NSA2: variants seen among roughly 807,000 people sequenced by gnomAD.
The protein encoded by NSA2 is NSA2 ribosome biogenesis factor.
NSA2 carries 18 observed loss-of-function variants against 34.8 expected under a neutral mutation model. The observed-to-expected ratio is 0.52, with a 90% CI of 0.36 to 0.77. NSA2 has a LOEUF of 0.77. Ranked by LOEUF, NSA2 falls within the 30% of genes least tolerant of loss-of-function variation. The probability of loss-of-function intolerance (pLI) is 0.00; values close to 1 mark genes in which losing one functional copy is unlikely to be tolerated. For synonymous variants in NSA2, 79 were observed against 100.2 expected (o/e 0.79, Z 1.26); for missense variants, 188 against 314.7 (o/e 0.60, Z 3.05).
chr5:74,770,961 T>C lies in NSA2; in HGVS notation c.522+151T>C, dbSNP rs528919478. On this transcript the variant is annotated intron_variant, in intron 4 of 5. Coordinates refer to ENST00000610426, the MANE Select transcript of NSA2 (RefSeq NM_014886.6). Reference sequence around the variant, plus strand: ...ATTTTTGTTATTTTATTGACAGAAGTTATTTAGTACTTTTTCCACTAGTCA... The same window carrying C: ...ATTTTTGTTATTTTATTGACAGAAGCTATTTAGTACTTTTTCCACTAGTCA... The C allele has an allele frequency of 4.1e-5, 29 of 709,248 alleles. No homozygotes were observed. The South Asian group carries it at 6.6e-4, about 16-fold the overall frequency. The allele number at this position is 709,248 out of a possible 1,614,324, so 43.9% of individuals were successfully genotyped here.
At position 74,769,133 on chromosome 5, in the gene NSA2, T is replaced by G. The variant is rs764498961; in HGVS notation, c.191+15T>G. ...ATGAAAAAGACGTAAGTGGTCTCAT[T>G]TATTTGTCATAACAAGTTAACATCT... On this transcript the variant is annotated intron_variant, in intron 2 of 5. Transcript: ENST00000610426. 1.9e-6 allele frequency: 3 copies of G among 1,598,776 alleles called. No homozygotes were observed. The highest frequency in any genetic ancestry group is 2.6e-6 in the Non-Finnish European group (3 of 1,175,158).
intron 5 of NSA2, among the ~76,000 whole-genome samples, chr5:74,774,956 C>T (rs866901535): frequency 1.7e-4 from 26 of 152,064 alleles, no homozygotes; most frequent in Admixed American, 3.3e-4. Context: ...GTGGCTCAGC[C>T]TGTAATCCCA....
rs772030907 is a variant in NSA2, at chr5:74,769,056, T to C, written c.129T>C (p.Ile43=). The C allele has an allele frequency of 1.9e-6, 3 of 1,612,278 alleles. No homozygotes were observed. The highest frequency in any genetic ancestry group is 2.2e-5 in the East Asian group (1 of 44,862). ...HERSKKAKKM[I]GLKAKLYHKQ... is the part of the protein sequence containing the mutation. ...GTTCAAAGAAGGCAAAGAAAATGAT[T>C]GGTCTGAAGGCTAAGCTTTACCATA... The change falls in exon 2 of 6, where the codon ATT becomes ATC. Residue 43 remains isoleucine, a synonymous_variant. Coordinates refer to ENST00000610426, the MANE Select transcript of NSA2 (RefSeq NM_014886.6).
chr5:74,775,372 T>G (rs1467555653), intron 5 of NSA2, among the ~76,000 whole-genome samples: 1 of 151,992 alleles, frequency 6.6e-6, no homozygotes, highest in Admixed American at 6.6e-5. Context: ...TCCCAGCACT[T>G]GGGGAGGCCG....
rs1745027741 is a variant in NSA2, at chr5:74,773,930, A to G, written c.585A>G (p.Pro195=). The G allele has an allele frequency of 6.2e-7, 1 of 1,613,954 alleles. No individual in the cohort carries two copies. Among genetic ancestry groups the G allele is most frequent in the East Asian group, 2.2e-5 (1 of 44,882 alleles). ...HPELKATFCL[P]ILGVKKNPSS... is the part of the protein sequence containing the mutation. Reference sequence around the variant, plus strand: ...AACTGAAAGCCACCTTTTGCCTACCAATACTTGGTGTAAAGAAGAATCCCT... The same window carrying G: ...AACTGAAAGCCACCTTTTGCCTACCGATACTTGGTGTAAAGAAGAATCCCT... The change falls in exon 5 of 6, where the codon CCA becomes CCG. Residue 195 remains proline (P), a synonymous_variant. Transcript: ENST00000610426.
intron 5 of NSA2, among the ~76,000 whole-genome samples, chr5:74,776,020 G>A (rs1358096100): frequency 6.6e-6 from 1 of 152,158 alleles, no homozygotes; most frequent in Non-Finnish European, 1.5e-5. Context: ...ACAATGCTCA[G>A]GTCAATCCAC....
At chr5:74,767,423 A>C in intron 1 of NSA2, 60 bp downstream of exon 1, 3 of 1,601,910 alleles carry the variant, frequency 1.9e-6, no homozygotes, top group Non-Finnish European at 2.6e-6. Context: ...GGACCTGAGG[A>C]CTCTGGGGCG....
At chr5:74,770,978 C>T (rs1213369602) in intron 4 of NSA2, among the ~76,000 whole-genome samples, 168 bp downstream of exon 4, 4 of 151,856 alleles carry the variant, frequency 2.6e-5, no homozygotes, top group African/African-American at 9.7e-5. Flanking sequence ...GTACTTTTTC[C>T]ACTAGTCAAA....
intron 4 of NSA2, 106 bp downstream of exon 4, chr5:74,770,916 T>C: frequency 1.2e-6 from 1 of 868,762 alleles, no homozygotes; most frequent in South Asian, 2.7e-5. Flanking sequence ...GTGGAACAGG[T>C]TGAAAGATAT....
rs1366231780 is a variant in NSA2, at chr5:74,767,330, G to A, written c.-31G>A. ...ATTGAGAGCGTTTTCGCACTCCAGC[G>A]GCTGCTCCTGGCGGCTCTGCGGCCG... On this transcript the variant is annotated 5_prime_UTR_variant, in exon 1 of 6. Transcript: ENST00000610426. 6.2e-7 allele frequency: 1 copy of A among 1,613,164 alleles called. No individual in the cohort carries two copies. The highest frequency in any genetic ancestry group is 8.5e-7 in the Non-Finnish European group (1 of 1,179,550).
chr5:74,775,639 C>CT (rs1745086461), intron 5 of NSA2, among the ~76,000 whole-genome samples: 1 of 151,392 alleles, frequency 6.6e-6, no homozygotes, highest in African/African-American at 2.4e-5. Context: ...ATATTTTGAT[C>CT]TTTTTTAATA....
chr5:74,768,886 T>C, intron 1 of NSA2, 45 bp from the exon 2 acceptor site: 1 of 1,340,420 alleles, frequency 7.5e-7, no homozygotes, highest in South Asian at 1.5e-5. Context: ...AGAATAATTG[T>C]CAGTACTTTA....
Position 74,770,762 on chromosome 5 carries a change from T to C in NSA2, c.474T>C (p.Asp158=). The change falls in exon 4 of 6, where the codon GAT becomes GAC. Residue 158 remains aspartate (D), a synonymous_variant. Transcript: ENST00000610426. The stretch of plus-strand genomic sequence containing the variant: ...TTACTAAAGTGTGCTTTGTTGGAGA[T>C]GGCTTTACAAGAAAACCACCTAAAT... The part of the protein sequence containing the change: ...RMVTKVCFVG[D]GFTRKPPKYE... 3 of 1,612,272 alleles carry C rather than the reference T, an allele frequency of 1.9e-6. No homozygotes were observed. Among genetic ancestry groups the C allele is most frequent in the Non-Finnish European group, 2.5e-6 (3 of 1,179,380 alleles).
chr5:74,767,429 G>A, intron 1 of NSA2, 66 bp downstream of exon 1: 2 of 1,594,664 alleles, frequency 1.3e-6, no homozygotes, highest in Admixed American at 3.3e-5. Context: ...GAGGACTCTG[G>A]GGCGCTGGGG....
At position 74,776,504 on chromosome 5, in the gene NSA2, A is replaced by G. The variant is rs182110820; in HGVS notation, c.716-100A>G. 674 of 679,262 alleles carry G rather than the reference A, an allele frequency of 9.9e-4. 9 individuals are homozygous for G. The East Asian group carries it at 0.018, about 18-fold the overall frequency. 42.1% of individuals were successfully genotyped at this position (679,262 alleles called of 1,614,324 possible). A position where few individuals can be genotyped will look rare whatever the true frequency, so the allele number is the denominator to read the frequency against. ...GGGAATAAGAGTGAAACCCTGTATT[A>G]AGACAAAAAGAAAAAAAAGGCAAAA... On this transcript the variant is annotated intron_variant, in intron 5 of 5. Coordinates refer to ENST00000610426, the MANE Select transcript of NSA2 (RefSeq NM_014886.6).
Position 74,767,253 on chromosome 5 carries a change from T to C in NSA2, c.-108T>C. Reference sequence around the variant, plus strand: ...ACTCGGCCGTTTTAAAGGGTGACTCTTTCCTGTCCCGGCCTGCGTGGTGTG... The same window carrying C: ...ACTCGGCCGTTTTAAAGGGTGACTCCTTCCTGTCCCGGCCTGCGTGGTGTG... On this transcript the variant is annotated 5_prime_UTR_variant, in exon 1 of 6. Transcript: ENST00000610426. The C allele has an allele frequency of 7.1e-6, 10 of 1,400,042 alleles. No homozygotes were observed. The highest frequency in any genetic ancestry group is 9.0e-6 in the Non-Finnish European group (9 of 995,574). 86.7% of individuals were successfully genotyped at this position (1,400,042 alleles called of 1,614,324 possible).
intron 4 of NSA2, among the ~76,000 whole-genome samples, chr5:74,772,174 G>C (rs1328419629): frequency 6.6e-6 from 1 of 151,138 alleles, no homozygotes; most frequent in East Asian, 2.0e-4. Flanking sequence ...TCCCAGGCGG[G>C]AGTGCAGTGG....
rs1414244336 is a variant in NSA2 at position 74,777,400 on chromosome 5, TAAAAG to T, written c.*730_*734del. 5 of 152,132 alleles carry T rather than the reference TAAAAG, an allele frequency of 3.3e-5. No individual in the cohort carries two copies. The highest frequency in any genetic ancestry group is 4.8e-5 in the African/African-American group (2 of 41,452). The allele number at this position is 152,132 out of a possible 1,614,324, so 9.4% of individuals were successfully genotyped here. On this transcript the variant is annotated 3_prime_UTR_variant, in exon 6 of 6. Coordinates refer to ENST00000610426, the MANE Select transcript of NSA2 (RefSeq NM_014886.6). ...AGTTTAAGTAACTCCAGCTAAGTTT[TAAAAG>T]GAAAAAGAAGACTGCACTGATTCCC...
chr5:74,773,470 CAAAA>C (rs768356175), intron 4 of NSA2, among the ~76,000 whole-genome samples: 2 of 98,992 alleles, frequency 2.0e-5, no homozygotes. Context: ...CCATCTCTAC[CAAAA>C]AAAAAAAAAA....
Sources: gnomAD v4.1 joint callset for allele counts (sites outside exome capture counted in the v4.1 genomes callset) on GRCh38, gnomAD v4.1.1 for gene constraint, MANE v1.5 for transcripts, NCBI Gene and HGNC (gene_info 2026-07-23, HGNC 2026-07-21) for gene names.